The following TUBGCP3 variants were observed in gnomAD, a reference collection of about 807,000 sequenced individuals.
The protein encoded by TUBGCP3 is gamma-tubulin complex component 3.
In TUBGCP3, 50 loss-of-function variants were observed where a neutral mutation model predicts 123.1. The observed-to-expected ratio is 0.41, with a 90% CI of 0.32 to 0.51. The LOEUF is 0.51. Ranked by LOEUF, TUBGCP3 falls within the 20% of genes least tolerant of loss-of-function variation. TUBGCP3 has a pLI of 0.36. For synonymous variants in TUBGCP3, 405 were observed against 413.9 expected, an observed-to-expected ratio of 0.98 and a Z score of 0.26; for missense variants, 882 against 1,127.0, an observed-to-expected ratio of 0.78 and a Z score of 3.11.
chr13:112,586,032 G>A (rs990327823), intron 1 of TUBGCP3, among the ~76,000 whole-genome samples: 2 of 151,964 alleles, frequency 1.3e-5, no homozygotes, highest in Admixed American at 6.6e-5. Flanking sequence ...GAGGTCAGGA[G>A]ATCGAAACCA....
At chr13:112,516,691 T>C in intron 16 of TUBGCP3, 116 bp from the exon 17 acceptor site, 1 of 1,264,218 alleles carries the variant, frequency 7.9e-7, no homozygotes, top group Non-Finnish European at 1.1e-6. Context: ...ATAGGCAGCA[T>C]GCTAAGTAAA....
intron 16 of TUBGCP3, among the ~76,000 whole-genome samples, chr13:112,517,888 T>C (rs1273202632): frequency 1.3e-5 from 2 of 152,156 alleles, no homozygotes; most frequent in Non-Finnish European, 2.9e-5. Context: ...TGAGACTCTG[T>C]GTCAAAAATA....
At chr13:112,597,944 A>G in the TUBGCP3 span, among the ~76,000 whole-genome samples, 1 of 152,206 alleles carries the variant, frequency 6.6e-6, no homozygotes, top group Non-Finnish European at 1.5e-5. Flanking sequence ...CATCAAGGCA[A>G]TGATAAAAGT....
upstream of TUBGCP3, chr13:112,588,183 C>G (rs975971461): frequency 7.1e-6 from 3 of 422,668 alleles, no homozygotes; most frequent in Middle Eastern, 6.2e-4. Context: ...CCGCTTCTTC[C>G]CTGCGCCGCG....
intron 8 of TUBGCP3, among the ~76,000 whole-genome samples, chr13:112,549,371 T>G (rs2097894173): frequency 6.6e-6 from 1 of 151,710 alleles, no homozygotes; most frequent in Non-Finnish European, 1.5e-5. Context: ...CATTAGGAGA[T>G]TTACCTAATG....
At chr13:112,489,720 T>A in intron 20 of TUBGCP3, 23 bp from the exon 21 acceptor site, 1 of 1,588,716 alleles carries the variant, frequency 6.3e-7, no homozygotes, top group Non-Finnish European at 8.6e-7. Context: ...AAGTACCAAA[T>A]GTCAGTAAAA....
chr13:112,542,872 G>A (rs1030975942), intron 11 of TUBGCP3, among the ~76,000 whole-genome samples: 1 of 151,910 alleles, frequency 6.6e-6, no homozygotes, highest in African/African-American at 2.4e-5. Context: ...GTAGGGCCAG[G>A]CACGGTGGCT....
At chr13:112,542,875 C>T (rs956766762) in intron 11 of TUBGCP3, among the ~76,000 whole-genome samples, 1 of 151,970 alleles carries the variant, frequency 6.6e-6, no homozygotes, top group Admixed American at 6.6e-5. Context: ...GGGCCAGGCA[C>T]GGTGGCTCAC....
chr13:112,564,350 T>C (rs1880779712), intron 3 of TUBGCP3, among the ~76,000 whole-genome samples: 1 of 152,242 alleles, frequency 6.6e-6, no homozygotes, highest in Admixed American at 6.5e-5. Context: ...ATTTTCACTG[T>C]GTAACACTAA....
At chr13:112,523,206 T>C (rs572064833) in intron 13 of TUBGCP3, among the ~76,000 whole-genome samples, 24 of 152,276 alleles carry the variant, frequency 1.6e-4, no homozygotes, top group African/African-American at 5.5e-4. Context: ...ATACTTAAGC[T>C]AGACAATAAC....
chr13:112,550,652 C>T (rs1879483668), intron 8 of TUBGCP3, among the ~76,000 whole-genome samples: 1 of 152,200 alleles, frequency 6.6e-6, no homozygotes, highest in African/African-American at 2.4e-5. Flanking sequence ...CACAAAGGTG[C>T]TTACTAAACC....
Position 112,486,281 on chromosome 13 carries a change from C to G in TUBGCP3, c.2566-130G>C, listed in dbSNP as rs546578062. 12 of 1,150,028 alleles carry G rather than the reference C, an allele frequency of 1.0e-5. No individual in the cohort carries two copies. In the East Asian group the frequency reaches 2.1e-4, roughly 20 times the overall value. The allele number at this position is 1,150,028 out of a possible 1,614,324, so 71.2% of individuals were successfully genotyped here. On this transcript the variant is annotated intron_variant, in intron 21 of 21. Transcript: ENST00000261965. The stretch of plus-strand genomic sequence containing the variant: ...AGATCAACAGGCCCTTAGTAAATGC[C>G]CACCAGGGCAGGTGTCCAGGGAGCA...
chr13:112,545,162 G>A lies in TUBGCP3; in HGVS notation c.1335+537C>T, dbSNP rs1878882989. 6.5e-6 allele frequency: 1 copy of A among 153,760 alleles called. No individual in the cohort carries two copies. The highest frequency in any genetic ancestry group is 2.4e-5 in the African/African-American group (1 of 41,476). The allele number at this position is 153,760 out of a possible 1,614,324, so 9.5% of individuals were successfully genotyped here. ...ACTTTTGTTAGATTCCTGTCTTACTGACAAAGGTTTTGAGTGTGGTGCCCC... is the reference window on the plus strand; with the variant it reads ...ACTTTTGTTAGATTCCTGTCTTACTAACAAAGGTTTTGAGTGTGGTGCCCC... On this transcript the variant is annotated intron_variant, in intron 11 of 21. Transcript: ENST00000261965. The surrounding 1 kb of genome is among the most constrained non-coding windows in gnomAD (Gnocchi z 4.1).
At chr13:112,516,698 T>A in intron 16 of TUBGCP3, 123 bp from the exon 17 acceptor site, 2 of 1,201,104 alleles carry the variant, frequency 1.7e-6, no homozygotes, top group Non-Finnish European at 2.3e-6. Context: ...GCATGCTAAG[T>A]AAAGTCACAG....
intron 21 of TUBGCP3, among the ~76,000 whole-genome samples, 183 bp from the exon 22 acceptor site, chr13:112,486,334 C>T (rs931798758): frequency 1.3e-5 from 2 of 152,200 alleles, no homozygotes; most frequent in African/African-American, 4.8e-5. Context: ...GGAGTGCACA[C>T]GGCCAGTGCA....
chr13:112,572,154 G>A (rs991741438), intron 1 of TUBGCP3, among the ~76,000 whole-genome samples: 1 of 152,136 alleles, frequency 6.6e-6, no homozygotes, highest in Non-Finnish European at 1.5e-5. Context: ...AGCTTCTCGC[G>A]TATCTCAGCT....
At chr13:112,556,368 C>A in intron 5 of TUBGCP3, 144 bp from the exon 6 acceptor site, 1 of 803,010 alleles carries the variant, frequency 1.2e-6, no homozygotes, top group East Asian at 2.7e-5. Flanking sequence ...TTACCCTAAC[C>A]GAATATATCA....
At chr13:112,557,403 T>A (rs2139223476) in intron 5 of TUBGCP3, among the ~76,000 whole-genome samples, 1 of 152,328 alleles carries the variant, frequency 6.6e-6, no homozygotes, top group African/African-American at 2.4e-5. Flanking sequence ...CACAAAATGA[T>A]TTATAATTCT....
In TUBGCP3 at chr13:112,548,122, C is replaced by G. The variant is rs771702163; in HGVS notation, c.1021G>C (p.Val341Leu). 1 of 1,599,392 alleles carries G rather than the reference C, an allele frequency of 6.3e-7. No individual in the cohort carries two copies. Among genetic ancestry groups the G allele is most frequent in the Non-Finnish European group, 8.5e-7 (1 of 1,171,736 alleles). ...AAAATATTTACCTGAGAATGTAAAA[C>G]AGAGAGCAATCGATAGTATTCTCTG... is the stretch of plus-strand genomic sequence containing the variant. ...ELREYYRLLSVLHSQLQLEDD... is the reference protein window; with the variant it reads ...ELREYYRLLSLLHSQLQLEDD... The change falls in exon 9 of 22, where the codon GTT becomes CTT. Residue 341 changes from valine (V) to leucine (L), a missense_variant. Physicochemically the swap from Val to Leu is conservative, Grantham distance 32. Around this residue, in one of 3 missense-constraint regions of TUBGCP3, gnomAD observed 713 missense variants for 874.0 expected, o/e 0.82. Coordinates refer to ENST00000261965, the MANE Select transcript of TUBGCP3 (RefSeq NM_006322.6).
Sources: gnomAD v4.1 joint callset for allele counts (sites outside exome capture counted in the v4.1 genomes callset) on GRCh38, gnomAD v4.1.1 for gene constraint, gnomAD v4.1.1 regional missense constraint, Gnocchi (gnomAD v3.1) non-coding constraint, MANE v1.5 for transcripts, NCBI Gene and HGNC (gene_info 2026-07-23, HGNC 2026-07-21) for gene names.